RAPGEF4: variants seen among roughly 807,000 people sequenced by gnomAD.
RAPGEF4 encodes the protein Rap guanine nucleotide exchange factor 4.
In RAPGEF4, 66 loss-of-function variants were observed where a neutral mutation model predicts 147.9. That is an observed-to-expected ratio of 0.45 (90% CI 0.37 to 0.55). The LOEUF is 0.55. Among genes scored for constraint, RAPGEF4 ranks in the 20% least tolerant of loss-of-function variants. The probability of loss-of-function intolerance (pLI) is 0.00; values close to 1 mark genes in which losing one functional copy is unlikely to be tolerated. For missense variants in RAPGEF4, 1,071 were observed against 1,257.3 expected (o/e 0.85, Z 2.24); for synonymous variants, 419 against 442.7 (o/e 0.95, Z 0.67).
intron 3 of RAPGEF4, among the ~76,000 whole-genome samples, chr2:172,803,960 A>C (rs986161159): frequency 1.3e-5 from 2 of 152,206 alleles, no homozygotes; most frequent in African/African-American, 4.8e-5. Context: ...ATCTGAGACT[A>C]TCATGAGAAC....
chr2:172,796,824 A>G (rs187667365), intron 2 of RAPGEF4, among the ~76,000 whole-genome samples: 46 of 152,350 alleles, frequency 3.0e-4, no homozygotes, highest in African/African-American at 1.0e-3. Flanking sequence ...ATTTTAAAAT[A>G]TCAAGTCACT....
intron 10 of RAPGEF4, among the ~76,000 whole-genome samples, chr2:172,980,634 A>G (rs1435548259): frequency 6.6e-6 from 1 of 152,034 alleles, no homozygotes; most frequent in Non-Finnish European, 1.5e-5. Flanking sequence ...TGCCATCTTT[A>G]CCTCTCTTCT....
At chr2:172,827,816 G>A (rs1689838812) in intron 4 of RAPGEF4, among the ~76,000 whole-genome samples, 2 of 152,168 alleles carry the variant, frequency 1.3e-5, no homozygotes, top group African/African-American at 4.8e-5. Context: ...ATGATGATTG[G>A]ATGCATAGAC....
At chr2:172,890,532 A>T (rs1261376866) in intron 4 of RAPGEF4, among the ~76,000 whole-genome samples, 1 of 152,174 alleles carries the variant, frequency 6.6e-6, no homozygotes, top group Non-Finnish European at 1.5e-5. Flanking sequence ...TTAGAATCTC[A>T]TCCATTTAGA....
chr2:172,823,281 T>G (rs1034496813), intron 4 of RAPGEF4, among the ~76,000 whole-genome samples: 1 of 152,224 alleles, frequency 6.6e-6, no homozygotes, highest in African/African-American at 2.4e-5. Context: ...GGGGCTGGGC[T>G]TCTTCACTCT....
At chr2:172,831,977 G>A (rs1053123033) in intron 4 of RAPGEF4, among the ~76,000 whole-genome samples, 4 of 152,122 alleles carry the variant, frequency 2.6e-5, no homozygotes, top group South Asian at 4.1e-4. Context: ...TATTGAGTTC[G>A]TAAAATTGGG....
intron 4 of RAPGEF4, among the ~76,000 whole-genome samples, chr2:172,914,747 A>G (rs1683863573): frequency 1.3e-5 from 2 of 152,244 alleles, no homozygotes; most frequent in Admixed American, 6.5e-5. Context: ...TAAGCAATAT[A>G]TGAGATAACA....
At chr2:172,968,520 C>T (rs903643768) in intron 10 of RAPGEF4, among the ~76,000 whole-genome samples, 1 of 152,080 alleles carries the variant, frequency 6.6e-6, no homozygotes, top group Non-Finnish European at 1.5e-5. Context: ...CAGGGTTGTC[C>T]CCTTTGTCAA....
intron 11 of RAPGEF4, among the ~76,000 whole-genome samples, chr2:172,985,068 A>G (rs1426582941): frequency 3.9e-5 from 6 of 152,200 alleles, no homozygotes; most frequent in Admixed American, 3.3e-4. Context: ...AATGCAAGCA[A>G]GAGTCACTAG....
At chr2:172,886,635 G>C (rs1003118734) in intron 4 of RAPGEF4, among the ~76,000 whole-genome samples, 1 of 151,368 alleles carries the variant, frequency 6.6e-6, no homozygotes, top group African/African-American at 2.4e-5. Flanking sequence ...GGAGTGTGTG[G>C]TACCCCCTTC....
At chr2:172,823,930 A>G (rs1166476521) in intron 4 of RAPGEF4, among the ~76,000 whole-genome samples, 1 of 152,178 alleles carries the variant, frequency 6.6e-6, no homozygotes, top group African/African-American at 2.4e-5. Flanking sequence ...CTTATTGTAA[A>G]ATAGAGATAC....
intron 4 of RAPGEF4, among the ~76,000 whole-genome samples, chr2:172,823,678 A>T (rs1327576114): frequency 1.3e-5 from 2 of 152,224 alleles, no homozygotes; most frequent in Non-Finnish European, 2.9e-5. Flanking sequence ...TCTGACACAC[A>T]GGATGAAGCA....
At chr2:173,030,307 A>G in intron 26 of RAPGEF4, 53 bp downstream of exon 26, 1 of 1,366,410 alleles carries the variant, frequency 7.3e-7, no homozygotes, top group Non-Finnish European at 1.0e-6. Flanking sequence ...ATAAAAACAC[A>G]GGCTCACCAG....
chr2:172,927,933 G>A (rs866177181), intron 6 of RAPGEF4, among the ~76,000 whole-genome samples: 1 of 152,170 alleles, frequency 6.6e-6, no homozygotes, highest in Non-Finnish European at 1.5e-5. Flanking sequence ...TAATAGGAGA[G>A]TGAAACCACA....
At chr2:172,786,082 C>T (rs780955091) in intron 1 of RAPGEF4, among the ~76,000 whole-genome samples, 1 of 152,130 alleles carries the variant, frequency 6.6e-6, no homozygotes, top group Non-Finnish European at 1.5e-5. Context: ...TTTTGTGCTC[C>T]ACCTAACTCA....
chr2:172,844,823 T>C (rs1691993591), intron 4 of RAPGEF4, among the ~76,000 whole-genome samples: 1 of 152,230 alleles, frequency 6.6e-6, no homozygotes, highest in South Asian at 2.1e-4. Context: ...CACTCAAAAG[T>C]GATAGTTTCA....
At chr2:173,024,215 A>AT (rs1270840112) in intron 23 of RAPGEF4, among the ~76,000 whole-genome samples, 7 of 40,698 alleles carry the variant, frequency 1.7e-4, no homozygotes, top group African/African-American at 4.3e-4. Context: ...TCTTTTTTTT[A>AT]TTATTTTTTT....
At chr2:172,747,233 A>G (rs1046621761) in intron 1 of RAPGEF4, among the ~76,000 whole-genome samples, 1 of 152,196 alleles carries the variant, frequency 6.6e-6, no homozygotes, top group African/African-American at 2.4e-5. Context: ...TAAAAATTGT[A>G]TAACTTTAAG....
At chr2:173,002,101 GACT>G (rs1300532400) in intron 17 of RAPGEF4, among the ~76,000 whole-genome samples, 1 of 151,170 alleles carries the variant, frequency 6.6e-6, no homozygotes, top group African/African-American at 2.4e-5. Flanking sequence ...CTCAGAGACA[GACT>G]GTTCCCTGGC....
Sources: allele counts gnomAD v4.1 joint callset (sites outside exome capture counted in the v4.1 genomes callset), GRCh38; gene constraint gnomAD v4.1.1; transcripts MANE v1.5; gene names NCBI Gene and HGNC (gene_info 2026-07-23, HGNC 2026-07-21).